ZHX3: variants seen among roughly 807,000 people sequenced by gnomAD.
The protein encoded by ZHX3 is zinc fingers and homeoboxes 3, also known as zinc fingers and homeoboxes protein 3.
Under a neutral mutation model 64.5 loss-of-function variants are expected in ZHX3, and 20 were observed. The ratio of observed to expected loss-of-function variants is 0.31; its 90% CI spans 0.22 to 0.45. The LOEUF is 0.45. ZHX3 is among the 20% of genes least tolerant of loss of function. ZHX3 has a pLI of 1.00. For missense variants in ZHX3, 1,041 were observed against 1,195.8 expected (o/e 0.87, Z 1.91); for synonymous variants, 423 against 461.6 (o/e 0.92, Z 1.07).
chr20:41,280,951 G>C (rs1171879710), intron 1 of ZHX3, among the ~76,000 whole-genome samples: 7 of 151,960 alleles, frequency 4.6e-5, no homozygotes, highest in African/African-American at 1.7e-4. Context: ...AAACAGATCT[G>C]AGTTAAAGAG....
chr20:41,221,423 C>G (rs977388549), intron 2 of ZHX3, among the ~76,000 whole-genome samples: 2 of 152,082 alleles, frequency 1.3e-5, no homozygotes, highest in Non-Finnish European at 1.5e-5. Flanking sequence ...ATTTGAGGAA[C>G]AAGTTTGCAG....
chr20:41,215,273 C>A (rs544319657), intron 2 of ZHX3, among the ~76,000 whole-genome samples: 200 of 151,694 alleles, frequency 1.3e-3, no homozygotes, highest in African/African-American at 4.0e-3. Context: ...TAAATAAATA[C>A]AAATAAAAAT....
At position 41,185,221 on chromosome 20, in the gene ZHX3, C is replaced by T; in HGVS notation, c.2861-20G>A. 1 of 1,598,112 alleles carries T rather than the reference C, an allele frequency of 6.3e-7. No individual in the cohort carries two copies. The highest frequency in any genetic ancestry group is 8.5e-7 in the Non-Finnish European group (1 of 1,170,420). ...CTGTTTCTGAGAAGAAAACACATGCCTGTCACTCTACGGCAGCTGCCACCA... is the reference window on the plus strand; with the variant it reads ...CTGTTTCTGAGAAGAAAACACATGCTTGTCACTCTACGGCAGCTGCCACCA... On this transcript the variant is annotated intron_variant, in intron 3 of 3. Transcript: ENST00000683867. This position sits in a 1 kb window ranked among gnomAD's most constrained non-coding sequence, Gnocchi z 5.0.
At chr20:41,217,296 G>C (rs994722627) in intron 2 of ZHX3, among the ~76,000 whole-genome samples, 5 of 151,792 alleles carry the variant, frequency 3.3e-5, no homozygotes, top group African/African-American at 1.2e-4. Context: ...AAAAAATGAG[G>C]GATGGGTAGA....
At position 41,202,846 on chromosome 20, in the gene ZHX3, C is replaced by T. The variant is rs1395942549; in HGVS notation, c.2071G>A (p.Gly691Ser). 1 of 1,614,172 alleles carries T rather than the reference C, an allele frequency of 6.2e-7. No individual in the cohort carries two copies. Among genetic ancestry groups the T allele is most frequent in the Admixed American group, 1.7e-5 (1 of 60,022 alleles). The change falls in exon 3 of 4, where the codon GGT (glycine) becomes AGT (serine). Residue 691 changes from glycine to serine, a missense_variant. This residue lies in a region of ZHX3 where 649 missense variants were observed against 739.8 expected (regional missense o/e 0.88). Coordinates refer to ENST00000683867, the MANE Select transcript of ZHX3 (RefSeq NM_001384317.1). The surrounding 1 kb of genome is among the most constrained non-coding windows in gnomAD (Gnocchi z 7.0). Reference sequence around the variant, plus strand: ...TCACTGGCCAAATCCTCTTCTCCACCCTCATCCTCAGCAGCCTCCTCTTCC... The same window carrying T: ...TCACTGGCCAAATCCTCTTCTCCACTCTCATCCTCAGCAGCCTCCTCTTCC... ...QEEEEAAEDE[G>S]GEEDLASELR...
intron 2 of ZHX3, among the ~76,000 whole-genome samples, chr20:41,238,272 C>T (rs2041146491): frequency 1.3e-5 from 2 of 152,108 alleles, no homozygotes; most frequent in South Asian, 2.1e-4. Flanking sequence ...TGAAGCTTAA[C>T]ATAGGCATCC....
intron 3 of ZHX3, among the ~76,000 whole-genome samples, chr20:41,191,457 T>C (rs1013095167): frequency 6.6e-6 from 1 of 152,226 alleles, no homozygotes; most frequent in Admixed American, 6.5e-5. Context: ...CTCATTGAGC[T>C]TCCTTACACT....
chr20:41,203,238 G>C lies in ZHX3; in HGVS notation c.1679C>G (p.Pro560Arg). 6.2e-7 allele frequency: 1 copy of C among 1,614,152 alleles called. No individual in the cohort carries two copies. The highest frequency in any genetic ancestry group is 8.5e-7 in the Non-Finnish European group (1 of 1,180,010). ...AATGATGATGGAACTGTGATCTCCA[G>C]GTATCATCGCTCTGGAGCCCTTCAA... is the stretch of plus-strand genomic sequence containing the variant. ...RNLKGSRAMI[P>R]GDHSSIIIDS... is the part of the protein sequence containing the mutation. Residue 560 changes from proline to arginine, a missense_variant, in exon 3 of 4, where the codon CCT becomes CGT. Physicochemically the swap from Pro to Arg is moderately radical, Grantham distance 103 (BLOSUM62 -2). This residue lies in a region of ZHX3 where 649 missense variants were observed against 739.8 expected (regional missense o/e 0.88). Transcript: ENST00000683867. This position sits in a 1 kb window ranked among gnomAD's most constrained non-coding sequence, Gnocchi z 7.1.
intron 1 of ZHX3, among the ~76,000 whole-genome samples, chr20:41,296,231 GTAAAAAAAA>G (rs2044513722): frequency 4.3e-5 from 1 of 23,276 alleles, no homozygotes; most frequent in African/African-American, 1.4e-4. Context: ...AGTTCATAAA[GTAAAAAAAA>G]AAAAAAAAAA....
rs2036262246 is a variant in ZHX3 at position 41,181,832 on chromosome 20, T to G, written c.*3359A>C. On this transcript the variant is annotated 3_prime_UTR_variant, in exon 4 of 4. Coordinates refer to ENST00000683867, the MANE Select transcript of ZHX3 (RefSeq NM_001384317.1). ...GCCCGCAAGGCACTACCCAATGTTCTGTCCAACTTCCTCCTTGTGCTACTA... is the reference window on the plus strand; with the variant it reads ...GCCCGCAAGGCACTACCCAATGTTCGGTCCAACTTCCTCCTTGTGCTACTA... The G allele has an allele frequency of 2.0e-5, 3 of 152,226 alleles. No homozygotes were observed. Among genetic ancestry groups the G allele is most frequent in the African/African-American group, 7.2e-5 (3 of 41,458 alleles). The allele number at this position is 152,226 out of a possible 1,614,324, so 9.4% of individuals were successfully genotyped here.
At chr20:41,262,364 T>A (rs6129789) in intron 2 of ZHX3, among the ~76,000 whole-genome samples, 16,894 of 152,196 alleles carry the variant, frequency 0.11, 1,247 homozygotes, top group South Asian at 0.24. Flanking sequence ...GGCCCCAACA[T>A]CCCTTGTCCA....
intron 1 of ZHX3, among the ~76,000 whole-genome samples, chr20:41,299,441 A>G (rs1190002047): frequency 6.6e-6 from 1 of 152,240 alleles, no homozygotes; most frequent in Admixed American, 6.5e-5. Context: ...TCTAAAAATC[A>G]CAGCCACTGA....
chr20:41,303,286 G>C (rs1181640468), intron 1 of ZHX3, among the ~76,000 whole-genome samples: 2 of 152,200 alleles, frequency 1.3e-5, no homozygotes, highest in Non-Finnish European at 2.9e-5. Flanking sequence ...TAAGGTACAA[G>C]GGTGCTAGAA....
In ZHX3 at chr20:41,292,004, C is replaced by T. The variant is rs190860016; in HGVS notation, c.-244-22921G>A. The stretch of plus-strand genomic sequence containing the variant: ...CACCAGCCTGGGGAACACAGCAAGA[C>T]CTCATCTTTAAAAAAAAAAAAAAAA... On this transcript the variant is annotated intron_variant, in intron 1 of 3. Coordinates refer to ENST00000683867, the MANE Select transcript of ZHX3 (RefSeq NM_001384317.1). Among the ~76,000 whole-genome samples the T allele has an allele frequency of 6.1e-3, 711 of 117,002 alleles. 5 individuals carry two copies. The highest frequency in any genetic ancestry group is 0.011 in the Admixed American group (109 of 10,186). The allele number at this position is 117,002 out of a possible 152,430, so 76.8% of individuals were successfully genotyped here.
chr20:41,198,287 C>T (rs948863486), intron 3 of ZHX3, among the ~76,000 whole-genome samples: 1 of 152,014 alleles, frequency 6.6e-6, no homozygotes, highest in African/African-American at 2.4e-5. Context: ...TGAGCCACGG[C>T]ACCTGGCCTA....
At chr20:41,241,733 G>C (rs541129813) in intron 2 of ZHX3, among the ~76,000 whole-genome samples, 1 of 152,100 alleles carries the variant, frequency 6.6e-6, no homozygotes, top group Admixed American at 6.5e-5. Flanking sequence ...ATTCTGGGTT[G>C]TTTGTGGTTC....
chr20:41,209,090 G>A (rs1416227502), intron 2 of ZHX3, among the ~76,000 whole-genome samples: 18 of 152,018 alleles, frequency 1.2e-4, no homozygotes, highest in Admixed American at 5.9e-4. Flanking sequence ...TCCCATTCAC[G>A]ATTGCTTCAA....
chr20:41,204,794 C>T lies in ZHX3; in HGVS notation c.123G>A (p.Leu41=), dbSNP rs1568822875. 1 of 1,613,542 alleles carries T rather than the reference C, an allele frequency of 6.2e-7. No individual in the cohort carries two copies. The highest frequency in any genetic ancestry group is 1.3e-5 in the African/African-American group (1 of 75,048). ...TGCTGGCAGCAGATGCTTCTGGGGGCAGATCCTGCTGGGGTCCTTCAGGCA... is the reference window on the plus strand; with the variant it reads ...TGCTGGCAGCAGATGCTTCTGGGGGTAGATCCTGCTGGGGTCCTTCAGGCA... The part of the protein sequence containing the change: ...ETLPEGPQQD[L]PPEASAASSE... The change falls in exon 3 of 4, where the codon CTG becomes CTA. Residue 41 remains leucine (L), a synonymous_variant. Coordinates refer to ENST00000683867, the MANE Select transcript of ZHX3 (RefSeq NM_001384317.1). This position sits in a 1 kb window ranked among gnomAD's most constrained non-coding sequence, Gnocchi z 6.6.
chr20:41,258,623 T>G (rs2042392947), intron 2 of ZHX3, among the ~76,000 whole-genome samples: 1 of 152,208 alleles, frequency 6.6e-6, no homozygotes, highest in Admixed American at 6.5e-5. Flanking sequence ...AGGTTATGCA[T>G]TCTTGGCAAA....
Sources: allele counts gnomAD v4.1 joint callset (sites outside exome capture counted in the v4.1 genomes callset), GRCh38; gene constraint gnomAD v4.1.1; regional missense constraint gnomAD v4.1.1; non-coding constraint Gnocchi (gnomAD v3.1); transcripts MANE v1.5; gene names NCBI Gene and HGNC (gene_info 2026-07-23, HGNC 2026-07-21).